The following RUNX1T1 variants were observed in gnomAD, a reference collection of about 807,000 sequenced individuals.
The protein encoded by RUNX1T1 is protein CBFA2T1.
In RUNX1T1, 4 loss-of-function variants were observed where a neutral mutation model predicts 62.8. The ratio of observed to expected loss-of-function variants is 0.06; its 90% CI spans 0.03 to 0.15. The LOEUF (loss-of-function observed/expected upper bound fraction) is 0.15, where lower values mean the gene tolerates loss of function less well. Ranked by LOEUF, RUNX1T1 falls within the 10% of genes least tolerant of loss-of-function variation. The pLI, the probability that RUNX1T1 is intolerant of heterozygous loss-of-function variation, is 1.00. For synonymous variants in RUNX1T1, 291 were observed against 286.0 expected, an observed-to-expected ratio of 1.02 and a Z score of -0.18; for missense variants, 508 against 754.3, an observed-to-expected ratio of 0.67 and a Z score of 3.82.
upstream of RUNX1T1, chr8:92,103,176 C>T: frequency 2.8e-6 from 1 of 355,206 alleles, no homozygotes; most frequent in Non-Finnish European, 5.0e-6. Flanking sequence ...CTCCCGCCTC[C>T]CTCCCTCCCT....
In RUNX1T1 at chr8:91,991,897, G is replaced by A; in HGVS notation, c.660-8C>T. On this transcript the variant is annotated splice_polypyrimidine_tract_variant and splice_region_variant and intron_variant, in intron 5 of 10. Coordinates refer to ENST00000396218, the Ensembl canonical transcript of RUNX1T1. ...AAGCCATTTTCTTTGGTTCTAAAGGGGGAAAAAACAAGAGTTTGTTTCATC... is the reference window on the plus strand; with the variant it reads ...AAGCCATTTTCTTTGGTTCTAAAGGAGGAAAAAACAAGAGTTTGTTTCATC... 1.2e-6 allele frequency: 2 copies of A among 1,612,676 alleles called. No individual in the cohort carries two copies. The highest frequency in any genetic ancestry group is 1.7e-6 in the Non-Finnish European group (2 of 1,179,330).
chr8:92,098,294 T>C (rs2130948095), intron 1 of RUNX1T1, among the ~76,000 whole-genome samples: 1 of 152,356 alleles, frequency 6.6e-6, no homozygotes, highest in East Asian at 1.9e-4. Flanking sequence ...GACCTTTTAT[T>C]GCAGAATGCA....
At chr8:92,005,021 A>G in intron 5 of RUNX1T1, 95 bp downstream of exon 6, 2 of 1,076,536 alleles carry the variant, frequency 1.9e-6, no homozygotes, top group Non-Finnish European at 1.3e-6. Flanking sequence ...CAAGAATGAC[A>G]TAGGCCAGCG....
intron 1 of RUNX1T1, among the ~76,000 whole-genome samples, chr8:92,020,670 T>C (rs1433303472): frequency 2.0e-5 from 3 of 152,206 alleles, no homozygotes; most frequent in Non-Finnish European, 4.4e-5. Flanking sequence ...TCCCTCTGTG[T>C]AACGTTTCTC....
At chr8:92,056,413 A>G (rs998260402) in intron 1 of RUNX1T1, among the ~76,000 whole-genome samples, 3 of 152,188 alleles carry the variant, frequency 2.0e-5, no homozygotes, top group African/African-American at 7.2e-5. Flanking sequence ...TCATGTTCTC[A>G]TAGGTACTTT....
Position 92,001,892 on chromosome 8 carries a change from A to C in RUNX1T1, c.659+3224T>G, listed in dbSNP as rs761053883. Among the ~76,000 whole-genome samples, 49 of 152,358 alleles carry C rather than the reference A, an allele frequency of 3.2e-4. 1 individual carries two copies. Among genetic ancestry groups the C allele is most frequent in the South Asian group, 1.9e-3 (9 of 4,828 alleles). On this transcript the variant is annotated intron_variant, in intron 5 of 10. Transcript: ENST00000396218. The stretch of plus-strand genomic sequence containing the variant: ...ATCCATTCTGCAGTCTCAAAGAAAG[A>C]AAGCATTATCTAACAGTTCTTTTCC...
chr8:92,009,180 A>C (rs894005714), intron 4 of RUNX1T1, among the ~76,000 whole-genome samples: 1 of 152,226 alleles, frequency 6.6e-6, no homozygotes, highest in Admixed American at 6.5e-5. Context: ...GGTAATACAA[A>C]GCAATTTTGT....
chr8:92,090,451 A>T (rs575156352), intron 1 of RUNX1T1, among the ~76,000 whole-genome samples: 1 of 152,260 alleles, frequency 6.6e-6, no homozygotes, highest in South Asian at 2.1e-4. Flanking sequence ...CAACAACAAC[A>T]AAAACAGATT....
At chr8:92,095,243 A>AAGGGAGAG (rs1007601974) in intron 1 of RUNX1T1, 3 of 1,529,012 alleles carry the variant, frequency 2.0e-6, no homozygotes, top group Non-Finnish European at 1.7e-6. Flanking sequence ...ATCATTTGGA[A>AAGGGAGAG]AGGGAGAGAG....
intron 3 of RUNX1T1, among the ~76,000 whole-genome samples, chr8:92,013,798 C>T (rs920770903): frequency 4.6e-5 from 7 of 152,078 alleles, no homozygotes; most frequent in Non-Finnish European, 1.0e-4. Context: ...CTAGTGGTTT[C>T]GGTAATTCTA....
intron 6 of RUNX1T1, 132 bp from the exon 8 acceptor site, chr8:91,987,104 T>A: frequency 1.5e-6 from 1 of 668,808 alleles, no homozygotes; most frequent in South Asian, 1.7e-5. Flanking sequence ...GAGACATGAG[T>A]CATATTTAGA....
At position 91,959,463 on chromosome 8, in the gene RUNX1T1, T is replaced by C. The variant is rs1353634380; in HGVS notation, c.*779A>G. ...GTGTGTGTGTGTGTGTGTGTGTGTG[T>C]GTGTATATGTGCGTGTGTGTGTGTG... On this transcript the variant is annotated 3_prime_UTR_variant, in exon 11 of 11. Transcript: ENST00000396218. 45 of 113,582 alleles carry C rather than the reference T, an allele frequency of 4.0e-4. 1 individual carries two copies. The highest frequency in any genetic ancestry group is 3.2e-3 in the African/African-American group (39 of 12,364). The allele number at this position is 113,582 out of a possible 1,614,324, so 7.0% of individuals were successfully genotyped here.
intron 5 of RUNX1T1, among the ~76,000 whole-genome samples, chr8:91,997,436 A>C (rs527332030): frequency 6.6e-6 from 1 of 152,174 alleles, no homozygotes; most frequent in Non-Finnish European, 1.5e-5. Flanking sequence ...AATAAACCTA[A>C]GAAAGAAGAA....
intron 9 of RUNX1T1, chr8:91,971,084 C>T (rs1027626706): frequency 5.1e-6 from 2 of 391,560 alleles, no homozygotes; most frequent in African/African-American, 4.1e-5. Context: ...AGAAGCATGA[C>T]TCTCATCCAA....
At chr8:91,992,682 G>A (rs1817907120) in intron 5 of RUNX1T1, among the ~76,000 whole-genome samples, 1 of 152,084 alleles carries the variant, frequency 6.6e-6, no homozygotes, top group Non-Finnish European at 1.5e-5. Context: ...GAAGATCTAG[G>A]TCAACCCCCT....
intron 1 of RUNX1T1, among the ~76,000 whole-genome samples, chr8:92,036,475 T>C (rs1011633319): frequency 6.6e-6 from 1 of 152,204 alleles, no homozygotes; most frequent in South Asian, 2.1e-4. Flanking sequence ...TGGAATGTGA[T>C]CAACACTATC....
intron 1 of RUNX1T1, among the ~76,000 whole-genome samples, chr8:92,043,185 C>A (rs1828769875): frequency 6.6e-6 from 1 of 152,106 alleles, no homozygotes; most frequent in South Asian, 2.1e-4. Flanking sequence ...GACTATATAG[C>A]ATTCTGCCCC....
chr8:92,045,968 G>T (rs1000682756), intron 1 of RUNX1T1, among the ~76,000 whole-genome samples: 1 of 151,988 alleles, frequency 6.6e-6, no homozygotes, highest in Non-Finnish European at 1.5e-5. Context: ...GCAACTTCAT[G>T]GAGGTCAGAA....
intron 9 of RUNX1T1, among the ~76,000 whole-genome samples, chr8:91,971,457 G>A (rs999811282): frequency 3.3e-5 from 5 of 152,164 alleles, no homozygotes; most frequent in Non-Finnish European, 7.4e-5. Flanking sequence ...CAAACTATTA[G>A]TTGCTGGCAT....
Sources: allele counts gnomAD v4.1 joint callset (sites outside exome capture counted in the v4.1 genomes callset), GRCh38; gene constraint gnomAD v4.1.1; transcripts MANE v1.5; gene names NCBI Gene and HGNC (gene_info 2026-07-23, HGNC 2026-07-21).